Variants in ERC1 observed in about 807,000 individuals in gnomAD.
ERC1 encodes RAB6 interacting protein 2.
A neutral mutation model predicts 132.0 loss-of-function variants in ERC1; 56 were observed. The ratio of observed to expected loss-of-function variants is 0.42; its 90% confidence interval spans 0.34 to 0.53. The LOEUF (loss-of-function observed/expected upper bound fraction) is 0.53. Ranked by LOEUF, ERC1 falls within the 20% of genes least tolerant of loss-of-function variation. The pLI, the probability that ERC1 is intolerant of heterozygous loss-of-function variation, is 0.03. For missense variants in ERC1, 1,202 were observed against 1,349.9 expected, an observed-to-expected ratio of 0.89 and a Z score of 1.72; for synonymous variants, 478 against 476.1, an observed-to-expected ratio of 1.00 and a Z score of -0.05.
At chr12:1,250,556 A>G (rs1174182673) in intron 13 of ERC1, among the ~76,000 whole-genome samples, 1 of 152,154 alleles carries the variant, frequency 6.6e-6, no homozygotes, top group African/African-American at 2.4e-5. Context: ...TAAATAATAA[A>G]ATTTAATTTA....
rs536530979 is a variant in ERC1 at position 1,400,815 on chromosome 12, A to G, written c.2926-7334A>G. Reference sequence around the variant, plus strand: ...TTGTCCATCTTTATGCTGATAACACACTGTAGGTAAACCTACTATTTACTG... The same window carrying G: ...TTGTCCATCTTTATGCTGATAACACGCTGTAGGTAAACCTACTATTTACTG... On this transcript the variant is annotated intron_variant, in intron 16 of 18. Transcript: ENST00000360905. Among the ~76,000 whole-genome samples, 119 of 150,748 alleles carry G rather than the reference A, an allele frequency of 7.9e-4. 1 individual carries two copies. The highest frequency in any genetic ancestry group is 2.8e-3 in the African/African-American group (114 of 41,154).
At chr12:1,101,843 A>G (rs1944702024) in intron 3 of ERC1, among the ~76,000 whole-genome samples, 1 of 152,216 alleles carries the variant, frequency 6.6e-6, no homozygotes, top group African/African-American at 2.4e-5. Context: ...CGGGTTGTTC[A>G]CCAAACAAGA....
At chr12:1,424,578 A>G (rs1177880850) in intron 17 of ERC1, among the ~76,000 whole-genome samples, 1 of 152,222 alleles carries the variant, frequency 6.6e-6, no homozygotes, top group Non-Finnish European at 1.5e-5. Context: ...AAGATCCTCA[A>G]GGCAGTGGTG....
At chr12:1,270,206 C>A (rs1331940043) in intron 14 of ERC1, among the ~76,000 whole-genome samples, 1 of 151,908 alleles carries the variant, frequency 6.6e-6, no homozygotes, top group Non-Finnish European at 1.5e-5. Context: ...GATGCTGAAC[C>A]CTTATCTTCC....
At chr12:1,394,644 G>A (rs974091696) in intron 16 of ERC1, among the ~76,000 whole-genome samples, 1 of 152,140 alleles carries the variant, frequency 6.6e-6, no homozygotes, top group Non-Finnish European at 1.5e-5. Context: ...GTTTAAAAGT[G>A]TGCGATACTT....
intron 2 of ERC1, among the ~76,000 whole-genome samples, chr12:1,080,970 A>G (rs1056336144): frequency 3.3e-5 from 5 of 152,094 alleles, no homozygotes; most frequent in South Asian, 4.1e-4. Flanking sequence ...TAATGCAGGT[A>G]TTTATACCCT....
intron 13 of ERC1, among the ~76,000 whole-genome samples, chr12:1,251,116 G>T (rs2076445018): frequency 6.6e-6 from 1 of 152,150 alleles, no homozygotes; most frequent in East Asian, 1.9e-4. Context: ...TTTGATAAGA[G>T]ATTTTTTTTC....
chr12:1,399,141 A>G (rs990052406), intron 16 of ERC1, among the ~76,000 whole-genome samples: 63 of 150,990 alleles, frequency 4.2e-4, no homozygotes, highest in African/African-American at 1.4e-3. Flanking sequence ...TTGTAGATAC[A>G]GGGTCTGGTT....
At chr12:1,017,198 T>A (rs900358365) in intron 1 of ERC1, among the ~76,000 whole-genome samples, 10 of 152,048 alleles carry the variant, frequency 6.6e-5, no homozygotes, top group African/African-American at 2.4e-4. Context: ...GGTTTCACCA[T>A]GCTGGTCAGG....
chr12:1,401,846 A>C (rs2091099785), intron 16 of ERC1, among the ~76,000 whole-genome samples: 1 of 152,168 alleles, frequency 6.6e-6, no homozygotes, highest in Admixed American at 6.5e-5. Context: ...GTGGCAAGTT[A>C]ACGTATATGA....
chr12:1,171,883 A>G (rs756075137), intron 8 of ERC1, among the ~76,000 whole-genome samples: 9 of 152,330 alleles, frequency 5.9e-5, no homozygotes, highest in Non-Finnish European at 1.2e-4. Flanking sequence ...ACAACTGGGC[A>G]GGGCTGATAA....
At chr12:1,334,964 C>T (rs573083002) in intron 15 of ERC1, among the ~76,000 whole-genome samples, 2 of 152,066 alleles carry the variant, frequency 1.3e-5, no homozygotes, top group African/African-American at 4.8e-5. Flanking sequence ...TAGCTGTATT[C>T]GTAGGTATTT....
intron 15 of ERC1, among the ~76,000 whole-genome samples, chr12:1,328,416 T>A (rs1413200572): frequency 6.6e-6 from 1 of 152,120 alleles, no homozygotes; most frequent in Non-Finnish European, 1.5e-5. Context: ...AGTGCTGGGA[T>A]TACAGACATG....
At chr12:1,442,089 G>T (rs534851540) in intron 17 of ERC1, among the ~76,000 whole-genome samples, 2 of 152,054 alleles carry the variant, frequency 1.3e-5, no homozygotes, top group African/African-American at 4.8e-5. Context: ...CACCATGCCC[G>T]ACTAATTTTT....
intron 2 of ERC1, among the ~76,000 whole-genome samples, chr12:1,042,476 G>A (rs927098506): frequency 7.3e-5 from 11 of 150,978 alleles, no homozygotes; most frequent in Non-Finnish European, 1.5e-5. Flanking sequence ...CTCCAGAGTA[G>A]CTGGGATTAC....
intron 14 of ERC1, among the ~76,000 whole-genome samples, chr12:1,271,416 G>T (rs2077845122): frequency 6.6e-6 from 1 of 152,176 alleles, no homozygotes; most frequent in African/African-American, 2.4e-5. Flanking sequence ...ATTTCTGGTT[G>T]GCCAACTGGG....
chr12:1,071,860 G>T (rs1478915954), intron 2 of ERC1, among the ~76,000 whole-genome samples: 1 of 152,098 alleles, frequency 6.6e-6, no homozygotes. Context: ...CAGCACTTTG[G>T]GAGGCCGAGG....
chr12:1,444,946 T>G, intron 18 of ERC1, 196 bp downstream of exon 18: 2 of 324,432 alleles, frequency 6.2e-6, no homozygotes, highest in Non-Finnish European at 5.6e-6. Flanking sequence ...GATTCAAGAT[T>G]TGGGGGGTGG....
intron 14 of ERC1, among the ~76,000 whole-genome samples, chr12:1,274,967 G>A (rs181219257): frequency 3.3e-5 from 5 of 152,288 alleles, no homozygotes; most frequent in South Asian, 4.1e-4. Context: ...ACCAGAGTTC[G>A]TGGAGTGTAC....
Sources: allele counts gnomAD v4.1 joint callset (sites outside exome capture counted in the v4.1 genomes callset), GRCh38; gene constraint gnomAD v4.1.1; transcripts MANE v1.5; gene names NCBI Gene and HGNC (gene_info 2026-07-23, HGNC 2026-07-21).